AKAP6: variants seen among roughly 807,000 people sequenced by gnomAD.
AKAP6 encodes A-kinase anchor protein 6.
In AKAP6, 58 loss-of-function variants were observed where a neutral mutation model predicts 188.5. The observed-to-expected ratio is 0.31, with a 90% CI of 0.25 to 0.38. The LOEUF (loss-of-function observed/expected upper bound fraction) is 0.38. Ranked by LOEUF, AKAP6 falls within the 10% of genes least tolerant of loss-of-function variation. The pLI is 1.00. For synonymous variants in AKAP6, 989 were observed against 998.6 expected, an observed-to-expected ratio of 0.99 and a Z score of 0.18; for missense variants, 2,710 against 2,740.0, an observed-to-expected ratio of 0.99 and a Z score of 0.24.
At chr14:32,420,336 T>C (rs1176398596) in intron 1 of AKAP6, among the ~76,000 whole-genome samples, 2 of 152,134 alleles carry the variant, frequency 1.3e-5, no homozygotes, top group African/African-American at 4.8e-5. Flanking sequence ...TCCCCTACCC[T>C]GTCTCTCTCT....
intron 5 of AKAP6, among the ~76,000 whole-genome samples, chr14:32,586,904 C>T (rs1326754315): frequency 1.3e-5 from 2 of 152,144 alleles, no homozygotes; most frequent in Admixed American, 1.3e-4. Context: ...AAATACCTTT[C>T]ATATGAAATT....
chr14:32,630,158 A>T (rs545365527), intron 7 of AKAP6, among the ~76,000 whole-genome samples: 4 of 152,244 alleles, frequency 2.6e-5, no homozygotes, highest in African/African-American at 9.6e-5. Flanking sequence ...GTCACAATTT[A>T]ACACGTAGAC....
chr14:32,426,981 C>T (rs1890053598), intron 1 of AKAP6, among the ~76,000 whole-genome samples: 1 of 151,984 alleles, frequency 6.6e-6, no homozygotes, highest in Non-Finnish European at 1.5e-5. Flanking sequence ...TGCGTGGTCT[C>T]TAAGTGATTA....
chr14:32,457,295 G>T (rs954072958), intron 2 of AKAP6, among the ~76,000 whole-genome samples: 1 of 152,166 alleles, frequency 6.6e-6, no homozygotes, highest in Admixed American at 6.6e-5. Context: ...AAAGGCTGAA[G>T]CTCCCTTGGC....
rs113269903 is a variant in AKAP6 at position 32,533,319 on chromosome 14, G to A, written c.325-2235G>A. 5.5e-3 allele frequency among the ~76,000 whole-genome samples: 843 copies of A among 152,278 alleles called. 8 individuals carry two copies. The highest frequency in any genetic ancestry group is 0.019 in the African/African-American group (779 of 41,540). On this transcript the variant is annotated intron_variant, in intron 2 of 13. Transcript: ENST00000280979. Reference sequence around the variant, plus strand: ...GACTAGGCACCTACTGGGAAAAAAGGGTGTTAGTATGAGAGTGAAAGAGTA... The same window carrying A: ...GACTAGGCACCTACTGGGAAAAAAGAGTGTTAGTATGAGAGTGAAAGAGTA...
intron 1 of AKAP6, among the ~76,000 whole-genome samples, chr14:32,426,848 G>A (rs1357709098): frequency 6.6e-6 from 1 of 152,170 alleles, no homozygotes; most frequent in African/African-American, 2.4e-5. Context: ...TGAATAATTG[G>A]GGAGAGGGGT....
chr14:32,823,455 C>A lies in AKAP6; in HGVS notation c.5642C>A (p.Thr1881Asn). The A allele has an allele frequency of 6.2e-7, 1 of 1,613,286 alleles. No individual in the cohort carries two copies. Among genetic ancestry groups the A allele is most frequent in the Non-Finnish European group, 8.5e-7 (1 of 1,179,804 alleles). Reference protein sequence around the residue: ...ELGTKRENKKTIFKVNKDPYV... With the variant: ...ELGTKRENKKNIFKVNKDPYV... Reference sequence around the variant, plus strand: ...GGGACAAAGCGTGAAAATAAGAAAACTATTTTCAAAGTTAATAAAGATCCA... The same window carrying A: ...GGGACAAAGCGTGAAAATAAGAAAAATATTTTCAAAGTTAATAAAGATCCA... The change falls in exon 13 of 14, where the codon ACT (threonine) becomes AAT (asparagine). Residue 1881 changes from threonine (T) to asparagine (N), a missense_variant. Thr to Asn is a moderately conservative substitution (Grantham distance 65, BLOSUM62 0). Coordinates refer to ENST00000280979, the MANE Select transcript of AKAP6 (RefSeq NM_004274.5).
At chr14:32,625,746 G>A (rs562331187) in intron 7 of AKAP6, among the ~76,000 whole-genome samples, 5 of 152,046 alleles carry the variant, frequency 3.3e-5, no homozygotes, top group African/African-American at 1.2e-4. Context: ...CCTCACCTGT[G>A]GTCATACCTG....
At chr14:32,585,487 T>C (rs552406940) in intron 5 of AKAP6, among the ~76,000 whole-genome samples, 2 of 114,818 alleles carry the variant, frequency 1.7e-5, no homozygotes, top group African/African-American at 5.7e-5. Flanking sequence ...CTATGAACTA[T>C]ATATATGTGT....
At chr14:32,633,511 A>G (rs1015753309) in intron 7 of AKAP6, among the ~76,000 whole-genome samples, 1 of 152,012 alleles carries the variant, frequency 6.6e-6, no homozygotes, top group East Asian at 1.9e-4. Context: ...CCCCTGCCCC[A>G]TCAACTTTTA....
intron 7 of AKAP6, among the ~76,000 whole-genome samples, chr14:32,677,143 C>G (rs1889465026): frequency 6.6e-6 from 1 of 152,140 alleles, no homozygotes; most frequent in Non-Finnish European, 1.5e-5. Flanking sequence ...CCTCATTTTT[C>G]ATAGGCTACC....
At chr14:32,595,730 A>T (rs1885669782) in intron 5 of AKAP6, among the ~76,000 whole-genome samples, 4 of 152,070 alleles carry the variant, frequency 2.6e-5, no homozygotes, top group Non-Finnish European at 4.4e-5. Context: ...TTTTTAAAAA[A>T]ACTTGAATCC....
intron 4 of AKAP6, among the ~76,000 whole-genome samples, chr14:32,562,397 TA>T (rs1883994247): frequency 6.6e-6 from 1 of 152,128 alleles, no homozygotes; most frequent in Non-Finnish European, 1.5e-5. Context: ...CAAGTTGAGC[TA>T]ACAGAAATAC....
chr14:32,763,663 C>T (rs900683203), intron 11 of AKAP6, among the ~76,000 whole-genome samples: 7 of 152,058 alleles, frequency 4.6e-5, no homozygotes, highest in African/African-American at 1.7e-4. Flanking sequence ...TAATTGAGAG[C>T]AAATGATTGC....
At chr14:32,719,501 T>G (rs1253486081) in intron 9 of AKAP6, among the ~76,000 whole-genome samples, 1 of 152,198 alleles carries the variant, frequency 6.6e-6, no homozygotes, top group Admixed American at 6.5e-5. Flanking sequence ...TACTTCTCAT[T>G]TTTCTTCTTA....
At chr14:32,796,392 A>C (rs1369669184) in intron 12 of AKAP6, among the ~76,000 whole-genome samples, 1 of 152,342 alleles carries the variant, frequency 6.6e-6, no homozygotes, top group Non-Finnish European at 1.5e-5. Flanking sequence ...GCAAGGCTAC[A>C]GTAACTAAAA....
chr14:32,541,721 G>A (rs1218685195), intron 3 of AKAP6, among the ~76,000 whole-genome samples: 2 of 152,068 alleles, frequency 1.3e-5, no homozygotes, highest in African/African-American at 2.4e-5. Flanking sequence ...TACTATTTCT[G>A]TAAAAGAATA....
chr14:32,510,230 C>T (rs1197359965), intron 2 of AKAP6, among the ~76,000 whole-genome samples: 3 of 151,376 alleles, frequency 2.0e-5, no homozygotes, highest in African/African-American at 7.3e-5. Flanking sequence ...CTCATCATTG[C>T]CTTCTATTTT....
At chr14:32,633,670 CAGAT>C (rs1298229529) in intron 7 of AKAP6, among the ~76,000 whole-genome samples, 4 of 152,092 alleles carry the variant, frequency 2.6e-5, no homozygotes, top group African/African-American at 7.2e-5. Context: ...AGAATGAAGA[CAGAT>C]AGAGAAAACC....
Sources: gnomAD v4.1 joint callset for allele counts (sites outside exome capture counted in the v4.1 genomes callset) on GRCh38, gnomAD v4.1.1 for gene constraint, MANE v1.5 for transcripts, NCBI Gene and HGNC (gene_info 2026-07-23, HGNC 2026-07-21) for gene names.